Variants in PTPN21 observed in about 807,000 individuals in gnomAD.
PTPN21 encodes the protein protein tyrosine phosphatase non-receptor type 21.
In PTPN21, 77 loss-of-function variants were observed where a neutral mutation model predicts 131.8. That is an observed-to-expected ratio of 0.58 (90% confidence interval 0.49 to 0.71). The LOEUF (loss-of-function observed/expected upper bound fraction) is 0.71. Among genes scored for constraint, PTPN21 ranks in the 30% least tolerant of loss-of-function variants. The pLI, the probability that PTPN21 is intolerant of heterozygous loss-of-function variation, is 0.00. For synonymous variants in PTPN21, 715 were observed against 621.3 expected, an observed-to-expected ratio of 1.15 and a Z score of -2.24; for missense variants, 1,552 against 1,527.1, an observed-to-expected ratio of 1.02 and a Z score of -0.27.
At chr14:88,482,265 G>A (rs1270158073) in intron 12 of PTPN21, among the ~76,000 whole-genome samples, 1 of 152,174 alleles carries the variant, frequency 6.6e-6, no homozygotes, top group Non-Finnish European at 1.5e-5. Context: ...AATAACTTGG[G>A]AAGTAAGGTT....
intron 4 of PTPN21, among the ~76,000 whole-genome samples, chr14:88,507,628 G>A (rs981060025): frequency 2.6e-5 from 4 of 152,014 alleles, no homozygotes; most frequent in South Asian, 2.1e-4. Context: ...AATGTCATTC[G>A]GCATATGATT....
intron 6 of PTPN21, among the ~76,000 whole-genome samples, chr14:88,502,677 A>G (rs2078028266): frequency 6.6e-6 from 1 of 152,220 alleles, no homozygotes; most frequent in Admixed American, 6.5e-5. Context: ...GACAAAAGGC[A>G]GGACAATGTG....
chr14:88,479,445 T>C lies in PTPN21; in HGVS notation c.1986A>G (p.Ala662=). The C allele has an allele frequency of 6.2e-7, 1 of 1,601,664 alleles. No individual in the cohort carries two copies. The highest frequency in any genetic ancestry group is 1.3e-5 in the African/African-American group (1 of 74,748). Residue 662 remains alanine (A), a synonymous_variant, in exon 13 of 19, where the codon GCA becomes GCG. Coordinates refer to ENST00000556564, the MANE Select transcript of PTPN21 (RefSeq NM_007039.4). The stretch of plus-strand genomic sequence containing the variant: ...CCGAGACGGCTCGCGGCGCCACCTC[T>C]GCCGCCGACGCGGATAGGGTGCGCT... The part of the protein sequence containing the change: ...LKERTLSASA[A]EVAPRAVSVG...
intron 2 of PTPN21, among the ~76,000 whole-genome samples, chr14:88,519,028 C>T (rs966711612): frequency 3.3e-5 from 5 of 151,842 alleles, no homozygotes; most frequent in African/African-American, 1.2e-4. Flanking sequence ...ATGAGAAAAG[C>T]TATGACTAAT....
chr14:88,538,850 C>G (rs915477179), intron 2 of PTPN21, among the ~76,000 whole-genome samples: 1 of 152,214 alleles, frequency 6.6e-6, no homozygotes, highest in Non-Finnish European at 1.5e-5. Context: ...ATGAGCATAA[C>G]AGTGCCTCAT....
intron 9 of PTPN21, 65 bp downstream of exon 9, chr14:88,497,138 C>G: frequency 7.9e-7 from 1 of 1,262,600 alleles, no homozygotes; most frequent in Non-Finnish European, 1.2e-6. Context: ...CATACAGGCA[C>G]GCAGAAGTAG....
chr14:88,508,424 G>A lies in PTPN21; in HGVS notation c.351-404C>T, dbSNP rs189901926. Among the ~76,000 whole-genome samples the A allele has an allele frequency of 5.9e-5, 9 of 152,120 alleles. No individual in the cohort carries two copies. The East Asian group carries it at 1.4e-3, about 23-fold the overall frequency. On this transcript the variant is annotated intron_variant, in intron 3 of 18. Coordinates refer to ENST00000556564, the MANE Select transcript of PTPN21 (RefSeq NM_007039.4). ...CTTGGATTCAAAATGTTGGGACTAC[G>A]GACATGAACCACCACACAGAGCCCC...
rs17124737 is a variant in PTPN21 at position 88,496,261 on chromosome 14, C to G, written c.932+152G>C. 7,435 of 624,190 alleles carry G rather than the reference C, an allele frequency of 0.012. 417 individuals are homozygous for G. In the African/African-American group the frequency reaches 0.12, roughly 10 times the overall value. 38.7% of individuals were successfully genotyped at this position (624,190 alleles called of 1,614,324 possible). A position where few individuals can be genotyped will look rare whatever the true frequency, so the allele number is the denominator to read the frequency against. On this transcript the variant is annotated intron_variant, in intron 10 of 18. Coordinates refer to ENST00000556564, the MANE Select transcript of PTPN21 (RefSeq NM_007039.4). ...TTAGAGGCATACAATGTAGTTATTA[C>G]AAGTTGGTCCAAAGCTAAAATAGGA...
At position 88,480,092 on chromosome 14, in the gene PTPN21, G is replaced by T. The variant is rs551963846; in HGVS notation, c.1339C>A (p.Pro447Thr). 1.5e-5 allele frequency: 24 copies of T among 1,614,096 alleles called. No individual in the cohort carries two copies. Among genetic ancestry groups the T allele is most frequent in the Non-Finnish European group, 2.0e-5 (24 of 1,180,050 alleles). The part of the protein sequence containing the change: ...HSAVIPPSYR[P>T]TPDYETVMKQ... ...ATCACAGTCTCATAGTCTGGGGTGG[G>T]GCGGTAGGACGGGGGTATCACGGCG... is the stretch of plus-strand genomic sequence containing the variant. Residue 447 changes from proline (P) to threonine (T), a missense_variant, in exon 13 of 19, where the codon CCC becomes ACC. Physicochemically the swap from Pro to Thr is conservative, Grantham distance 38. Coordinates refer to ENST00000556564, the MANE Select transcript of PTPN21 (RefSeq NM_007039.4).
At chr14:88,546,074 T>C (rs2139362349) in intron 2 of PTPN21, among the ~76,000 whole-genome samples, 1 of 151,956 alleles carries the variant, frequency 6.6e-6, no homozygotes, top group Non-Finnish European at 1.5e-5. Flanking sequence ...GCAACCTAAG[T>C]TAACTACATT....
chr14:88,491,850 T>C (rs2077829563), intron 10 of PTPN21, among the ~76,000 whole-genome samples: 1 of 152,048 alleles, frequency 6.6e-6, no homozygotes, highest in Admixed American at 6.6e-5. Context: ...GATTCAGGTG[T>C]TCCTTATTTA....
At chr14:88,550,837 G>A (rs549828390) in intron 1 of PTPN21, among the ~76,000 whole-genome samples, 1 of 152,320 alleles carries the variant, frequency 6.6e-6, no homozygotes, top group South Asian at 2.1e-4. Context: ...AATAGGGATA[G>A]CAAACTGGGC....
At chr14:88,549,160 C>G (rs1467832514) in intron 2 of PTPN21, among the ~76,000 whole-genome samples, 2 of 151,806 alleles carry the variant, frequency 1.3e-5, no homozygotes, top group Non-Finnish European at 2.9e-5. Flanking sequence ...AGTCAAGAGC[C>G]GGACATGGTG....
In PTPN21 at chr14:88,479,686, G is replaced by C; in HGVS notation, c.1745C>G (p.Ser582Cys). Reference sequence around the variant, plus strand: ...GCTGCTGCTGATGTAAAGGTGGCGGGACAGGTCTGGCGTGCTGTTGGCGGG... The same window carrying C: ...GCTGCTGCTGATGTAAAGGTGGCGGCACAGGTCTGGCGTGCTGTTGGCGGG... ...PRPANSTPDL[S>C]RHLYISSSNP... Residue 582 changes from serine to cysteine, a missense_variant, in exon 13 of 19, where the codon TCC becomes TGC. Ser to Cys is a moderately radical substitution (Grantham distance 112). Around this residue, in one of 4 missense-constraint regions of PTPN21, gnomAD observed 1,016 missense variants for 883.5 expected, o/e 1.15. Transcript: ENST00000556564. 7.1e-7 allele frequency: 1 copy of C among 1,416,832 alleles called. No individual in the cohort carries two copies. Among genetic ancestry groups the C allele is most frequent in the Non-Finnish European group, 9.3e-7 (1 of 1,078,248 alleles). 87.8% of individuals were successfully genotyped at this position (1,416,832 alleles called of 1,614,324 possible).
At chr14:88,471,447 A>G (rs542575770) in intron 15 of PTPN21, among the ~76,000 whole-genome samples, 2 of 152,296 alleles carry the variant, frequency 1.3e-5, no homozygotes, top group African/African-American at 4.8e-5. Flanking sequence ...AAGAACATAC[A>G]CTAGGGAAGG....
chr14:88,495,788 C>T (rs369933247), intron 10 of PTPN21, among the ~76,000 whole-genome samples: 2 of 152,082 alleles, frequency 1.3e-5, no homozygotes, highest in Non-Finnish European at 2.9e-5. Context: ...TACTGCGGAG[C>T]GGTCAAGTGA....
At chr14:88,535,546 G>A (rs1272050938) in intron 2 of PTPN21, among the ~76,000 whole-genome samples, 14 of 152,064 alleles carry the variant, frequency 9.2e-5, no homozygotes, top group Non-Finnish European at 1.9e-4. Flanking sequence ...TCAAAATTGT[G>A]GTGAAGAACT....
rs147441767 is a variant in PTPN21, at chr14:88,482,613, C to CAAAAG, written c.1079-2266_1079-2262dup. ...GGACAACAAAAGCGAAACTCCATCT[C>CAAAAG]AAAAGAAAAGAAAAGAAAAGAAAAG... On this transcript the variant is annotated intron_variant, in intron 12 of 18. Transcript: ENST00000556564. 4.0e-3 allele frequency among the ~76,000 whole-genome samples: 604 copies of CAAAAG among 150,986 alleles called. 6 individuals are homozygous for CAAAAG. Among genetic ancestry groups the CAAAAG allele is most frequent in the Non-Finnish European group, 6.0e-3 (407 of 67,868 alleles).
chr14:88,542,974 T>A (rs1200161514), intron 2 of PTPN21, among the ~76,000 whole-genome samples: 3 of 152,228 alleles, frequency 2.0e-5, no homozygotes, highest in Admixed American at 6.5e-5. Flanking sequence ...AGTTTCTGGG[T>A]ACTAGACTTT....
Sources: gnomAD v4.1 joint callset for allele counts (sites outside exome capture counted in the v4.1 genomes callset) on GRCh38, gnomAD v4.1.1 for gene constraint, gnomAD v4.1.1 regional missense constraint, MANE v1.5 for transcripts, NCBI Gene and HGNC (gene_info 2026-07-23, HGNC 2026-07-21) for gene names.